The following PTPRN2 variants were observed in gnomAD, a reference collection of about 807,000 sequenced individuals.
PTPRN2 encodes receptor-type tyrosine-protein phosphatase N2.
In PTPRN2, 74 loss-of-function variants were observed where a neutral mutation model predicts 118.8. That is an observed-to-expected ratio of 0.62 (90% CI 0.52 to 0.76). The LOEUF (loss-of-function observed/expected upper bound fraction) is 0.76. Among genes scored for constraint, PTPRN2 ranks in the 30% least tolerant of loss-of-function variants. PTPRN2 has a pLI of 0.00. For missense variants in PTPRN2, 1,481 were observed against 1,394.4 expected (o/e 1.06, Z -0.99); for synonymous variants, 641 against 608.0 (o/e 1.05, Z -0.80).
At chr7:158,237,937 C>T (rs890380691) in intron 3 of PTPRN2, among the ~76,000 whole-genome samples, 126 of 152,320 alleles carry the variant, frequency 8.3e-4, no homozygotes, top group African/African-American at 2.8e-3. Context: ...CGCAGCCCGG[C>T]GGCTGCCATG....
chr7:158,381,722 G>A (rs1208992571), intron 2 of PTPRN2, among the ~76,000 whole-genome samples: 1 of 152,116 alleles, frequency 6.6e-6, no homozygotes, highest in African/African-American at 2.4e-5. Flanking sequence ...TCATGCTGTT[G>A]ATAAAGACAT....
intron 3 of PTPRN2, among the ~76,000 whole-genome samples, chr7:158,258,810 A>T (rs11773209): frequency 6.6e-6 from 1 of 151,958 alleles, no homozygotes; most frequent in Non-Finnish European, 1.5e-5. Flanking sequence ...AGGGAGGAAC[A>T]TTTGGGGATC....
chr7:158,540,503 C>G (rs554153995), intron 1 of PTPRN2, among the ~76,000 whole-genome samples: 49 of 152,238 alleles, frequency 3.2e-4, no homozygotes, highest in African/African-American at 1.1e-3. Flanking sequence ...CTGGGCCCCC[C>G]ACCTGTGCTC....
At chr7:158,340,686 T>A (rs1337744934) in intron 2 of PTPRN2, among the ~76,000 whole-genome samples, 5 of 89,030 alleles carry the variant, frequency 5.6e-5, no homozygotes, top group East Asian at 3.6e-4. Flanking sequence ...ACTCTCACCA[T>A]AAGAGGTGAA....
At chr7:158,013,602 CCCATCTATCCAT>C (rs1277866002) in intron 11 of PTPRN2, among the ~76,000 whole-genome samples, 10 of 152,066 alleles carry the variant, frequency 6.6e-5, no homozygotes, top group Non-Finnish European at 1.5e-4. Flanking sequence ...CATTCATTCA[CCCATCTATCCAT>C]CCATCATACA....
At chr7:157,571,781 C>T (rs770521760) in intron 19 of PTPRN2, among the ~76,000 whole-genome samples, 10 of 152,190 alleles carry the variant, frequency 6.6e-5, no homozygotes, top group South Asian at 2.1e-4. Flanking sequence ...CTGTCCTGCC[C>T]GTCCCACCCC....
chr7:158,299,035 T>C (rs868328122), intron 3 of PTPRN2, among the ~76,000 whole-genome samples: 4 of 152,150 alleles, frequency 2.6e-5, no homozygotes, highest in Non-Finnish European at 5.9e-5. Context: ...TCCAGCAGGA[T>C]GTTCATGACC....
At chr7:158,129,836 C>G (rs144902261) in intron 9 of PTPRN2, among the ~76,000 whole-genome samples, 1 of 152,160 alleles carries the variant, frequency 6.6e-6, no homozygotes, top group Non-Finnish European at 1.5e-5. Context: ...AAGAAATGAA[C>G]AGCCATGAGA....
intron 2 of PTPRN2, among the ~76,000 whole-genome samples, chr7:158,481,039 G>C (rs950472618): frequency 5.3e-5 from 8 of 152,248 alleles, no homozygotes; most frequent in African/African-American, 1.9e-4. Flanking sequence ...TTACATTGAA[G>C]AAGATGCCAT....
chr7:157,766,098 C>A (rs961967206), intron 12 of PTPRN2, among the ~76,000 whole-genome samples: 1 of 150,664 alleles, frequency 6.6e-6, no homozygotes, highest in African/African-American at 2.4e-5. Context: ...ATCATCCATT[C>A]TTCTTCCATT....
chr7:157,719,950 G>A (rs942761853), intron 12 of PTPRN2, among the ~76,000 whole-genome samples: 3 of 152,192 alleles, frequency 2.0e-5, no homozygotes, highest in African/African-American at 7.2e-5. Flanking sequence ...AGTTACTGCT[G>A]TGGGGTCATA....
chr7:158,012,583 C>A (rs1057410321), intron 11 of PTPRN2, among the ~76,000 whole-genome samples: 12 of 152,174 alleles, frequency 7.9e-5, no homozygotes, highest in African/African-American at 2.7e-4. Context: ...GCTCTTATTA[C>A]CACCGCTTGA....
intron 3 of PTPRN2, among the ~76,000 whole-genome samples, chr7:158,250,309 T>C (rs1392803880): frequency 1.3e-5 from 2 of 152,178 alleles, no homozygotes; most frequent in Non-Finnish European, 2.9e-5. Context: ...ATTCCTACTG[T>C]TGCATAATTT....
At chr7:158,198,310 T>G (rs1477403879) in intron 4 of PTPRN2, among the ~76,000 whole-genome samples, 4 of 152,240 alleles carry the variant, frequency 2.6e-5, no homozygotes, top group Non-Finnish European at 5.9e-5. Context: ...ACATTGACTT[T>G]TGCTCTGTCA....
chr7:157,801,076 TAC>T lies in PTPRN2; in HGVS notation c.1788+97595_1788+97596del, dbSNP rs564550765. On this transcript the variant is annotated intron_variant, in intron 12 of 22. Transcript: ENST00000389418. This position sits in a 1 kb window ranked among gnomAD's most constrained non-coding sequence, Gnocchi z 4.2. ...ATACACATATATATACACATATATA[TAC>T]ACACACACACACATATATATATGCA... Among the ~76,000 whole-genome samples, 42 of 148,772 alleles carry T rather than the reference TAC, an allele frequency of 2.8e-4. 1 individual carries two copies. The highest frequency in any genetic ancestry group is 1.9e-3 in the Admixed American group (28 of 14,948).
At chr7:158,449,541 C>T (rs1395386549) in intron 2 of PTPRN2, among the ~76,000 whole-genome samples, 1 of 150,174 alleles carries the variant, frequency 6.7e-6, no homozygotes, top group African/African-American at 2.5e-5. Flanking sequence ...TCCAAACAAA[C>T]ACCAACAGGC....
chr7:157,732,169 GC>G (rs1799983071), intron 12 of PTPRN2, among the ~76,000 whole-genome samples: 1 of 94,624 alleles, frequency 1.1e-5, no homozygotes, highest in African/African-American at 4.0e-5. Flanking sequence ...CCCGTCCCAT[GC>G]GCCCAGCACA....
intron 2 of PTPRN2, among the ~76,000 whole-genome samples, chr7:158,463,952 G>A (rs1225956174): frequency 3.2e-5 from 4 of 125,172 alleles, no homozygotes; most frequent in Non-Finnish European, 4.9e-5. Flanking sequence ...CATCATCACC[G>A]TCATCATCCT....
At chr7:157,582,731 G>A (rs1182299392) in intron 17 of PTPRN2, among the ~76,000 whole-genome samples, 2 of 151,776 alleles carry the variant, frequency 1.3e-5, no homozygotes, top group African/African-American at 4.8e-5. Context: ...AAAATTAGCC[G>A]GGTATCGTGG....
Sources: allele counts gnomAD v4.1 joint callset (sites outside exome capture counted in the v4.1 genomes callset), GRCh38; gene constraint gnomAD v4.1.1; non-coding constraint Gnocchi (gnomAD v3.1); transcripts MANE v1.5; gene names NCBI Gene and HGNC (gene_info 2026-07-23, HGNC 2026-07-21).